GPC3: variants seen among roughly 807,000 people sequenced by gnomAD.
GPC3 encodes the protein glypican-3.
Under a neutral mutation model 34.4 loss-of-function variants are expected in GPC3, and 3 were observed. That is an observed-to-expected ratio of 0.09 (90% CI 0.04 to 0.23). The LOEUF (loss-of-function observed/expected upper bound fraction) is 0.23. Among genes scored for constraint, GPC3 ranks in the 10% least tolerant of loss-of-function variants. The pLI, the probability that GPC3 is intolerant of heterozygous loss-of-function variation, is 1.00. For synonymous variants in GPC3, 177 were observed against 174.0 expected, an observed-to-expected ratio of 1.02 and a Z score of -0.13; for missense variants, 351 against 445.6, an observed-to-expected ratio of 0.79 and a Z score of 1.91.
intron 6 of GPC3, among the ~76,000 whole-genome samples, chrX:133,642,807 GAAAAGA>G (rs909768517): frequency 3.7e-5 from 4 of 107,155 alleles, no homozygotes; most frequent in African/African-American, 6.8e-5. Context: ...AGAAAGAAAG[GAAAAGA>G]AAAAGAAAAA....
chrX:133,884,262 T>A (rs1384801820), intron 2 of GPC3, among the ~76,000 whole-genome samples: 1 of 111,775 alleles, frequency 8.9e-6, no homozygotes, highest in Non-Finnish European at 1.9e-5. Context: ...AGTCAAGAAT[T>A]CTCCGTTATG....
chrX:133,966,340 A>C (rs1474124475), intron 1 of GPC3, among the ~76,000 whole-genome samples: 1 of 112,249 alleles, frequency 8.9e-6, no homozygotes, highest in Non-Finnish European at 1.9e-5. Flanking sequence ...CTCCAGCACA[A>C]CTCTGAATTT....
At chrX:133,629,115 A>G (rs1015695169) in intron 6 of GPC3, among the ~76,000 whole-genome samples, 2 of 112,421 alleles carry the variant, frequency 1.8e-5, no homozygotes, top group Non-Finnish European at 3.7e-5. Context: ...TGGCATTCAA[A>G]TAAAACCGTT....
intron 3 of GPC3, among the ~76,000 whole-genome samples, chrX:133,742,883 G>A (rs1296878366): frequency 1.8e-5 from 2 of 112,118 alleles, no homozygotes; most frequent in Non-Finnish European, 3.8e-5. Flanking sequence ...GGCATTCTGA[G>A]TGGAACGAAA....
chrX:133,967,188 T>C (rs147130765), intron 1 of GPC3, among the ~76,000 whole-genome samples: 35 of 112,193 alleles, frequency 3.1e-4, no homozygotes, highest in African/African-American at 1.1e-3. Context: ...TTTCCTAAAA[T>C]TGAGGGAAAT....
intron 2 of GPC3, among the ~76,000 whole-genome samples, chrX:133,758,604 T>C (rs1287276736): frequency 9.0e-6 from 1 of 110,851 alleles, no homozygotes; most frequent in African/African-American, 3.3e-5. Context: ...CTGAGCTTAA[T>C]ACCTAGGTGA....
At chrX:133,864,555 A>G (rs1367051107) in intron 2 of GPC3, among the ~76,000 whole-genome samples, 4 of 111,581 alleles carry the variant, frequency 3.6e-5, no homozygotes, top group Non-Finnish European at 7.5e-5. Context: ...CCCATGCCTA[A>G]TCTCTATGAA....
At chrX:133,653,231 C>T (rs1192769120) in intron 6 of GPC3, among the ~76,000 whole-genome samples, 1 of 111,407 alleles carries the variant, frequency 9.0e-6, no homozygotes, top group Non-Finnish European at 1.9e-5. Flanking sequence ...CTTAGAAGAC[C>T]AATATGTGAA....
intron 2 of GPC3, among the ~76,000 whole-genome samples, chrX:133,916,973 C>G (rs2076227864): frequency 9.0e-6 from 1 of 111,600 alleles, no homozygotes; most frequent in Non-Finnish European, 1.9e-5. Flanking sequence ...AAACTAAACT[C>G]TACCATTTCC....
intron 1 of GPC3, among the ~76,000 whole-genome samples, chrX:133,961,256 G>T (rs1049839740): frequency 9.0e-6 from 1 of 111,407 alleles, no homozygotes; most frequent in Admixed American, 9.6e-5. Context: ...ATCAAAGACC[G>T]TGCCTGGGGC....
intron 1 of GPC3, among the ~76,000 whole-genome samples, chrX:133,969,641 A>C (rs1242989425): frequency 2.7e-5 from 3 of 111,718 alleles, no homozygotes. Flanking sequence ...TTAAAAAAAA[A>C]CATCTGAGTG....
chrX:133,890,421 T>C (rs1006533495), intron 2 of GPC3, among the ~76,000 whole-genome samples: 2 of 110,460 alleles, frequency 1.8e-5, no homozygotes, highest in African/African-American at 3.3e-5. Context: ...GATGAATAAA[T>C]AGATAAAATA....
chrX:133,759,097 C>T (rs2071759717), intron 2 of GPC3, among the ~76,000 whole-genome samples: 1 of 111,181 alleles, frequency 9.0e-6, no homozygotes, highest in Non-Finnish European at 1.9e-5. Context: ...GGGAAAACTA[C>T]AAAACTCTGG....
chrX:133,721,075 C>A (rs73561208), intron 3 of GPC3, among the ~76,000 whole-genome samples: 5,590 of 106,464 alleles, frequency 0.053, 392 homozygotes, highest in African/African-American at 0.18. Flanking sequence ...GAGATCCCAA[C>A]TCAGTAACTT....
intron 6 of GPC3, among the ~76,000 whole-genome samples, chrX:133,646,385 C>T (rs986909984): frequency 3.6e-5 from 4 of 112,098 alleles, no homozygotes; most frequent in Non-Finnish European, 7.5e-5. Context: ...ACCCATCTGT[C>T]CTTCCTTACA....
In GPC3 at chrX:133,959,893, C is replaced by A. The variant is rs148590577; in HGVS notation, c.176-6682G>T. 7.7e-3 allele frequency among the ~76,000 whole-genome samples: 865 copies of A among 112,050 alleles called. 11 individuals carry two copies. The highest frequency in any genetic ancestry group is 0.027 in the African/African-American group (825 of 30,888). Reference sequence around the variant, plus strand: ...TACATTCTAATTAGGTTACTGGTTACATGGGTGTACACATTTGTCAAAACT... The same window carrying A: ...TACATTCTAATTAGGTTACTGGTTAAATGGGTGTACACATTTGTCAAAACT... On this transcript the variant is annotated intron_variant, in intron 1 of 7. Transcript: ENST00000370818.
intron 5 of GPC3, among the ~76,000 whole-genome samples, chrX:133,684,885 T>A (rs1849142271): frequency 9.1e-6 from 1 of 110,176 alleles, no homozygotes; most frequent in African/African-American, 3.3e-5. Context: ...TATAGGTCTT[T>A]TTTTTTTTTT....
At chrX:133,586,509 C>A (rs1039449598) in intron 7 of GPC3, among the ~76,000 whole-genome samples, 1 of 111,677 alleles carries the variant, frequency 9.0e-6, no homozygotes, top group Admixed American at 9.5e-5. Context: ...TAGCTCAGAG[C>A]GAGATAGAAT....
At chrX:133,888,643 G>T (rs1024771299) in intron 2 of GPC3, among the ~76,000 whole-genome samples, 9 of 112,150 alleles carry the variant, frequency 8.0e-5, no homozygotes, top group Admixed American at 4.7e-4. Context: ...GTATCTCATT[G>T]TGGTTTTGAT....
Sources: gnomAD v4.1 joint callset for allele counts (sites outside exome capture counted in the v4.1 genomes callset) on GRCh38, gnomAD v4.1.1 for gene constraint, MANE v1.5 for transcripts, NCBI Gene and HGNC (gene_info 2026-07-23, HGNC 2026-07-21) for gene names.